Variants in CCDC163 observed in about 807,000 individuals in gnomAD.
CCDC163 encodes transmembrane protein CCDC163.
In CCDC163, 13 loss-of-function variants were observed where a neutral mutation model predicts 8.2. That is an observed-to-expected ratio of 1.59 (90% CI 1.04 to 2.54). The LOEUF is 2.54. CCDC163 is among the 30% of genes most tolerant of loss of function. CCDC163 has a pLI of 0.00. For synonymous variants in CCDC163, 41 were observed against 30.9 expected (o/e 1.33, Z -1.08); for missense variants, 117 against 78.6 (o/e 1.49, Z -1.85).
intron 2 of CCDC163, among the ~76,000 whole-genome samples, chr1:45,498,936 C>T (rs1223066155): frequency 6.6e-6 from 1 of 152,186 alleles, no homozygotes; most frequent in East Asian, 1.9e-4. Context: ...TTTTCCCGAC[C>T]CCTAGTATCC....
rs190698009 is a variant in CCDC163, at chr1:45,498,792, C to T, written c.177+553G>A. Among the ~76,000 whole-genome samples the T allele has an allele frequency of 1.2e-3, 186 of 152,326 alleles. 2 individuals carry two copies. Among genetic ancestry groups the T allele is most frequent in the Non-Finnish European group, 1.1e-3 (74 of 68,032 alleles). Reference sequence around the variant, plus strand: ...GAAGCTGTGTATATGAAGAAAATAACTGGCCAGATACCTTCCAGGACACTG... The same window carrying T: ...GAAGCTGTGTATATGAAGAAAATAATTGGCCAGATACCTTCCAGGACACTG... On this transcript the variant is annotated intron_variant, in intron 2 of 4. Coordinates refer to ENST00000629482, the MANE Select transcript of CCDC163 (RefSeq NM_001102601.3).
chr1:45,497,149 G>C (rs1039462042), intron 3 of CCDC163, 150 bp downstream of exon 3: 25 of 517,148 alleles, frequency 4.8e-5, no homozygotes, highest in Non-Finnish European at 8.0e-5. Flanking sequence ...ACACAGCCTT[G>C]GCAACAGGCA....
At position 45,495,061 on chromosome 1, in the gene CCDC163, AG is replaced by A. The variant is rs1326953635; in HGVS notation, c.435del (p.Ter146GlufsTer2). On this transcript the variant is annotated frameshift_variant, in exon 5 of 5. Transcript: ENST00000629482. LOFTEE classifies it high-confidence loss of function. ...RTYSFGAPKC[S>X] ...CTTAACGAGTCCTTACAGGTCATTC[AG>A]GAGCATTTTGGGGCCCCAAAGGAAT... 3 of 780,772 alleles carry A rather than the reference AG, an allele frequency of 3.8e-6. No individual in the cohort carries two copies. The highest frequency in any genetic ancestry group is 3.4e-5 in the African/African-American group (2 of 59,142). The allele number at this position is 780,772 out of a possible 1,614,324, so 48.4% of individuals were successfully genotyped here.
chr1:45,497,884 C>CA (rs1643387750), intron 2 of CCDC163, among the ~76,000 whole-genome samples: 1 of 146,380 alleles, frequency 6.8e-6, no homozygotes, highest in Non-Finnish European at 1.5e-5. Flanking sequence ...GAGGTGTGCC[C>CA]AACAGCTCAT....
At position 45,499,699 on chromosome 1, in the gene CCDC163, A is replaced by AGAGG; in HGVS notation, c.-91_-90insCCTC. 1 of 691,788 alleles carries AGAGG rather than the reference A, an allele frequency of 1.4e-6. No individual in the cohort carries two copies. Among genetic ancestry groups the AGAGG allele is most frequent in the Non-Finnish European group, 2.7e-6 (1 of 373,448 alleles). The allele number at this position is 691,788 out of a possible 1,614,324, so 42.9% of individuals were successfully genotyped here. Reference sequence around the variant, plus strand: ...GGGATACCCAAGGTATCCCCAGGAAAGGCCACCACGTTAGATGGAAAGAGG... The same window carrying AGAGG: ...GGGATACCCAAGGTATCCCCAGGAAAGAGGGGCCACCACGTTAGATGGAAAGAGG... On this transcript the variant is annotated 5_prime_UTR_variant, in exon 1 of 5. Coordinates refer to ENST00000629482, the MANE Select transcript of CCDC163 (RefSeq NM_001102601.3).
intron 2 of CCDC163, among the ~76,000 whole-genome samples, chr1:45,497,981 C>T (rs538359966): frequency 3.4e-5 from 5 of 147,302 alleles, no homozygotes; most frequent in Non-Finnish European, 3.0e-5. Flanking sequence ...GGATGGTTGC[C>T]GTGTCTGTGT....
At chr1:45,497,628 C>T (rs1249756148) in intron 2 of CCDC163, among the ~76,000 whole-genome samples, 5 of 112,508 alleles carry the variant, frequency 4.4e-5, no homozygotes, top group African/African-American at 7.1e-5. Flanking sequence ...GCCGAGACTG[C>T]AGCCTCTGCC....
In CCDC163 at chr1:45,499,539, C is replaced by T. The variant is rs760511046; in HGVS notation, c.71G>A (p.Arg24Gln). Residue 24 changes from arginine (R) to glutamine (Q), a missense_variant, in exon 1 of 5, where the codon CGG becomes CAG. Transcript: ENST00000629482. ...LLNATDGNVV[R>Q]NKQWLYPLGV... ...CCTCCACCAACCCCTCACCTTATTCCGGACCACATTTCCATCAGTAGCGTT... is the reference window on the plus strand; with the variant it reads ...CCTCCACCAACCCCTCACCTTATTCTGGACCACATTTCCATCAGTAGCGTT... The T allele has an allele frequency of 1.7e-5, 13 of 779,022 alleles. No homozygotes were observed. Among genetic ancestry groups the T allele is most frequent in the Non-Finnish European group, 1.7e-5 (7 of 417,170 alleles). 48.3% of individuals were successfully genotyped at this position (779,022 alleles called of 1,614,324 possible).
chr1:45,498,505 CTGGGCTTGGGCT>C (rs774637796), intron 2 of CCDC163: 1 of 152,304 alleles, frequency 6.6e-6, no homozygotes, highest in Non-Finnish European at 1.5e-5. Context: ...CTGTTTGCAT[CTGGGCTTGGGCT>C]TGGGCTTGGG....
At chr1:45,498,916 G>T (rs1388811315) in intron 2 of CCDC163, among the ~76,000 whole-genome samples, 1 of 152,166 alleles carries the variant, frequency 6.6e-6, no homozygotes, top group Non-Finnish European at 1.5e-5. Context: ...ATGAACTACT[G>T]TATAACAGCT....
chr1:45,495,655 CTTTTTTTTTTT>C (rs71052890), intron 4 of CCDC163: 5,084 of 468,064 alleles, frequency 0.011, 7 homozygotes, highest in East Asian at 0.018. Flanking sequence ...TCTCCTCCCT[CTTTTTTTTTTT>C]TTTTTTTTTT....
intron 3 of CCDC163, 42 bp downstream of exon 3, chr1:45,497,257 G>T: frequency 1.3e-6 from 1 of 757,480 alleles, no homozygotes; most frequent in South Asian, 1.4e-5. Flanking sequence ...CAGAAAAGGG[G>T]ACAAGGAAAC....
At chr1:45,497,267 C>G (rs772394818) in intron 3 of CCDC163, 32 bp downstream of exon 3, 8 of 768,752 alleles carry the variant, frequency 1.0e-5, no homozygotes, top group Non-Finnish European at 1.9e-5. Flanking sequence ...GACAAGGAAA[C>G]GCATATTCGC....
rs1023762253 is a variant in CCDC163 at position 45,499,725 on chromosome 1, G to T, written c.-116C>A. 33 of 659,450 alleles carry T rather than the reference G, an allele frequency of 5.0e-5. 1 individual carries two copies. The highest frequency in any genetic ancestry group is 5.1e-4 in the Middle Eastern group (2 of 3,950). 40.8% of individuals were successfully genotyped at this position (659,450 alleles called of 1,614,324 possible). ...GGCCACCACGTTAGATGGAAAGAGG[G>T]AAGTGGGGATGCAACACTGGGGTAG... On this transcript the variant is annotated 5_prime_UTR_variant, in exon 1 of 5. Transcript: ENST00000629482.
chr1:45,496,848 CCA>C (rs2149315910), intron 3 of CCDC163, among the ~76,000 whole-genome samples: 1 of 152,296 alleles, frequency 6.6e-6, no homozygotes, highest in South Asian at 2.1e-4. Context: ...GGAGCCATGG[CCA>C]CTTAATGGGA....
chr1:45,497,689 CCCGTCCGGGAGGGAGGTGGAGGGGG>C (rs1643363082), intron 2 of CCDC163, among the ~76,000 whole-genome samples: 2 of 61,746 alleles, frequency 3.2e-5, no homozygotes, highest in Non-Finnish European at 3.2e-5. Context: ...CGGCAGCCAC[CCCGTCCGGGAGGGAGGTGGAGGGGG>C]TCAGCCCCCC....
chr1:45,494,928 C>T lies in CCDC163; in HGVS notation c.*131G>A. On this transcript the variant is annotated 3_prime_UTR_variant, in exon 5 of 5. Coordinates refer to ENST00000629482, the MANE Select transcript of CCDC163 (RefSeq NM_001102601.3). ...GCAAGGATGGGCAGGCAGTGAAAAG[C>T]CTCAGTAGATAAGACAGATAATAGC... is the stretch of plus-strand genomic sequence containing the variant. 6.1e-6 allele frequency: 4 copies of T among 659,354 alleles called. No individual in the cohort carries two copies. In the South Asian group the frequency reaches 6.9e-5, roughly 11 times the overall value. The allele number at this position is 659,354 out of a possible 1,614,324, so 40.8% of individuals were successfully genotyped here.
chr1:45,497,992 AG>A (rs1643396944), intron 2 of CCDC163, among the ~76,000 whole-genome samples: 1 of 149,338 alleles, frequency 6.7e-6, no homozygotes, highest in Non-Finnish European at 1.5e-5. Flanking sequence ...GTGTCTGTGT[AG>A]AAAGAAGTAG....
intron 2 of CCDC163, among the ~76,000 whole-genome samples, chr1:45,497,636 GCCCGGCCGCCA>G (rs1570804139): frequency 8.9e-6 from 1 of 112,036 alleles, no homozygotes. Flanking sequence ...TGCAGCCTCT[GCCCGGCCGCCA>G]CCCCGTCTGG....
Sources: allele counts gnomAD v4.1 joint callset (sites outside exome capture counted in the v4.1 genomes callset), GRCh38; gene constraint gnomAD v4.1.1; transcripts MANE v1.5; gene names NCBI Gene and HGNC (gene_info 2026-07-23, HGNC 2026-07-21).